STAT4: variants seen among roughly 807,000 people sequenced by gnomAD.
STAT4 encodes signal transducer and activator of transcription 4.
STAT4 carries 42 observed loss-of-function variants against 110.5 expected under a neutral mutation model. That is an observed-to-expected ratio of 0.38 (90% CI 0.30 to 0.49). The LOEUF is 0.49. Ranked by LOEUF, STAT4 falls within the 20% of genes least tolerant of loss-of-function variation. The probability of loss-of-function intolerance (pLI) is 0.95; values close to 1 mark genes in which losing one functional copy is unlikely to be tolerated. For missense variants in STAT4, 632 were observed against 887.9 expected, an observed-to-expected ratio of 0.71 and a Z score of 3.66; for synonymous variants, 284 against 302.2, an observed-to-expected ratio of 0.94 and a Z score of 0.63.
Position 191,033,126 on chromosome 2 carries a change from C to T in STAT4, c.1876G>A (p.Glu626Lys). Reference protein sequence around the residue: ...ESGEVRFHSVEPYNKGRLSAL... With the variant: ...ESGEVRFHSVKPYNKGRLSAL... ...GACAACCGGCCTTTATTGTAGGGTT[C>T]TACAGAGTGGAATCTCACTTCCCCT... The change falls in exon 21 of 24, where the codon GAA becomes AAA. Residue 626 changes from glutamate (E) to lysine (K), a missense_variant. This residue lies in a region of STAT4 where 74 missense variants were observed against 154.3 expected (regional missense o/e 0.48). Transcript: ENST00000392320. This position sits in a 1 kb window ranked among gnomAD's most constrained non-coding sequence, Gnocchi z 6.9. 1 of 1,613,740 alleles carries T rather than the reference C, an allele frequency of 6.2e-7. No individual in the cohort carries two copies. Among genetic ancestry groups the T allele is most frequent in the Non-Finnish European group, 8.5e-7 (1 of 1,179,888 alleles).
Position 191,046,459 on chromosome 2 carries a change from G to A in STAT4, c.1252-5311C>T, listed in dbSNP as rs1696356666. On this transcript the variant is annotated intron_variant, in intron 14 of 23. Transcript: ENST00000392320. The surrounding 1 kb of genome is among the most constrained non-coding windows in gnomAD (Gnocchi z 4.6). ...GTCTCTCCTGTGCCTAGATATGTTT[G>A]CACTGAAGGTGTCATCTGTGCTTGG... Among the ~76,000 whole-genome samples the A allele has an allele frequency of 6.6e-6, 1 of 152,106 alleles. No homozygotes were observed. Among genetic ancestry groups the A allele is most frequent in the East Asian group, 1.9e-4 (1 of 5,192 alleles).
At position 191,031,552 on chromosome 2, in the gene STAT4, A is replaced by G. The variant is rs1343317843; in HGVS notation, c.2045-36T>C. 4 of 1,569,502 alleles carry G rather than the reference A, an allele frequency of 2.5e-6. No individual in the cohort carries two copies. The highest frequency in any genetic ancestry group is 3.5e-6 in the Non-Finnish European group (4 of 1,144,704). ...AAAAGGCACAATGTTGGGGAAAAAA[A>G]TGTCAATATTATCAATAAAACTGGG... On this transcript the variant is annotated intron_variant, in intron 21 of 23. Transcript: ENST00000392320. The surrounding 1 kb of genome is among the most constrained non-coding windows in gnomAD (Gnocchi z 4.8).
chr2:191,098,346 A>C (rs1698063790), intron 3 of STAT4, among the ~76,000 whole-genome samples: 1 of 152,234 alleles, frequency 6.6e-6, no homozygotes. Context: ...CACAATAGCA[A>C]AAACTTGGAA....
intron 3 of STAT4, among the ~76,000 whole-genome samples, chr2:191,141,862 C>T (rs577842549): frequency 1.4e-4 from 21 of 152,078 alleles, no homozygotes; most frequent in African/African-American, 5.1e-4. Flanking sequence ...AACTCCTGAC[C>T]TCAGTACTGG....
At chr2:191,057,002 C>T (rs1574715258) in intron 13 of STAT4, among the ~76,000 whole-genome samples, 2 of 152,222 alleles carry the variant, frequency 1.3e-5, no homozygotes, top group Admixed American at 6.5e-5. Context: ...AGGCTGGTCT[C>T]GAATTCCTGA....
rs62179929 is a variant in STAT4, at chr2:191,097,017, C to A, written c.274-20692G>T. Among the ~76,000 whole-genome samples, 474 of 152,084 alleles carry A rather than the reference C, an allele frequency of 3.1e-3. 1 individual carries two copies. Among genetic ancestry groups the A allele is most frequent in the Middle Eastern group, 0.01 (3 of 294 alleles). ...CCAAATCATGAGTGAACTCCCATTC[C>A]CAATTGCTACAAAGAGAATAAAATA... is the stretch of plus-strand genomic sequence containing the variant. On this transcript the variant is annotated intron_variant, in intron 3 of 23. Transcript: ENST00000392320.
chr2:191,046,147 A>G lies in STAT4; in HGVS notation c.1252-4999T>C, dbSNP rs978687749. Among the ~76,000 whole-genome samples, 29 of 152,238 alleles carry G rather than the reference A, an allele frequency of 1.9e-4. No homozygotes were observed. In the South Asian group the frequency reaches 2.9e-3, roughly 15 times the overall value. ...GCCTTTCACATTATCTCTGAGTTCAATGGTGCAGAACATTTGAGAGGCCTC... is the reference window on the plus strand; with the variant it reads ...GCCTTTCACATTATCTCTGAGTTCAGTGGTGCAGAACATTTGAGAGGCCTC... On this transcript the variant is annotated intron_variant, in intron 14 of 23. Transcript: ENST00000392320. This position sits in a 1 kb window ranked among gnomAD's most constrained non-coding sequence, Gnocchi z 4.6.
At chr2:191,070,584 T>C (rs1342824100) in intron 5 of STAT4, among the ~76,000 whole-genome samples, 1 of 152,226 alleles carries the variant, frequency 6.6e-6, no homozygotes, top group African/African-American at 2.4e-5. Flanking sequence ...TGTACTTCCT[T>C]TTCTTCTTAG....
In STAT4 at chr2:191,144,076, T is replaced by A. The variant is rs1699401285; in HGVS notation, c.273+2537A>T. Among the ~76,000 whole-genome samples, 1 of 152,146 alleles carries A rather than the reference T, an allele frequency of 6.6e-6. No homozygotes were observed. The highest frequency in any genetic ancestry group is 2.1e-4 in the South Asian group (1 of 4,830). On this transcript the variant is annotated intron_variant, in intron 3 of 23. Transcript: ENST00000392320. This position sits in a 1 kb window ranked among gnomAD's most constrained non-coding sequence, Gnocchi z 4.7. Reference sequence around the variant, plus strand: ...TTTTTTTCAACTCAAATATCTTAATTCACCAAATTGTTTTTTGAATTCCTA... The same window carrying A: ...TTTTTTTCAACTCAAATATCTTAATACACCAAATTGTTTTTTGAATTCCTA...
At chr2:191,076,092 G>T in intron 4 of STAT4, 135 bp downstream of exon 4, 1 of 649,526 alleles carries the variant, frequency 1.5e-6, no homozygotes, top group East Asian at 2.8e-5. Flanking sequence ...GGCTTCAAAT[G>T]ATCCTCCCAC....
At position 191,051,438 on chromosome 2, in the gene STAT4, T is replaced by A. The variant is rs573602785; in HGVS notation, c.1251+3052A>T. ...GTAGGTTAACATTAGCACCATTTTG[T>A]AGATAAGGAAATTGGGAGTTAGAGA... is the stretch of plus-strand genomic sequence containing the variant. On this transcript the variant is annotated intron_variant, in intron 14 of 23. Coordinates refer to ENST00000392320, the MANE Select transcript of STAT4 (RefSeq NM_003151.4). This position sits in a 1 kb window ranked among gnomAD's most constrained non-coding sequence, Gnocchi z 5.6. Among the ~76,000 whole-genome samples, 51 of 152,274 alleles carry A rather than the reference T, an allele frequency of 3.3e-4. 1 individual carries two copies. The highest frequency in any genetic ancestry group is 3.4e-3 in the Middle Eastern group (1 of 294).
chr2:191,042,182 C>T lies in STAT4; in HGVS notation c.1252-1034G>A, dbSNP rs188308632. 2.4e-4 allele frequency among the ~76,000 whole-genome samples: 37 copies of T among 152,250 alleles called. No homozygotes were observed. Among genetic ancestry groups the T allele is most frequent in the Admixed American group, 1.4e-3 (21 of 15,294 alleles). On this transcript the variant is annotated intron_variant, in intron 14 of 23. Coordinates refer to ENST00000392320, the MANE Select transcript of STAT4 (RefSeq NM_003151.4). This position sits in a 1 kb window ranked among gnomAD's most constrained non-coding sequence, Gnocchi z 4.2. ...CACCCTAAGTCTACAGTTCTCAACACGCACATAGAATTTTCAGGCTGTTTT... is the reference window on the plus strand; with the variant it reads ...CACCCTAAGTCTACAGTTCTCAACATGCACATAGAATTTTCAGGCTGTTTT...
In STAT4 at chr2:191,043,076, G is replaced by A. The variant is rs191414032; in HGVS notation, c.1252-1928C>T. 1.7e-3 allele frequency among the ~76,000 whole-genome samples: 252 copies of A among 152,290 alleles called. 1 individual carries two copies. Among genetic ancestry groups the A allele is most frequent in the African/African-American group, 5.8e-3 (242 of 41,546 alleles). ...TTACAGGCGTGAGCCACTGCGCCCGGCCGTATTCTCTATTCCTGTATATAT... is the reference window on the plus strand; with the variant it reads ...TTACAGGCGTGAGCCACTGCGCCCGACCGTATTCTCTATTCCTGTATATAT... On this transcript the variant is annotated intron_variant, in intron 14 of 23. Transcript: ENST00000392320. The surrounding 1 kb of genome is among the most constrained non-coding windows in gnomAD (Gnocchi z 4.8).
chr2:191,134,177 T>G (rs1699118320), intron 3 of STAT4, among the ~76,000 whole-genome samples: 1 of 152,176 alleles, frequency 6.6e-6, no homozygotes, highest in South Asian at 2.1e-4. Context: ...CCACATGTGC[T>G]ACCTATAGGC....
intron 3 of STAT4, among the ~76,000 whole-genome samples, chr2:191,101,542 T>G (rs1229246849): frequency 2.0e-5 from 3 of 152,170 alleles, no homozygotes; most frequent in African/African-American, 7.2e-5. Context: ...TTAGATTACT[T>G]ATAATTTTTT....
chr2:191,069,676 A>G lies in STAT4; in HGVS notation c.544+17T>C, dbSNP rs766631350. On this transcript the variant is annotated intron_variant, in intron 6 of 23. Transcript: ENST00000392320. ...TTTTTGTCTCTATGCATAATTATAG[A>G]AAAAACAAAAACTTACCCATTGTCT... 6.2e-7 allele frequency: 1 copy of G among 1,600,332 alleles called. No individual in the cohort carries two copies. The highest frequency in any genetic ancestry group is 2.2e-5 in the East Asian group (1 of 44,556).
intron 5 of STAT4, among the ~76,000 whole-genome samples, chr2:191,072,101 A>T (rs1253719298): frequency 6.6e-6 from 1 of 152,162 alleles, no homozygotes; most frequent in Non-Finnish European, 1.5e-5. Flanking sequence ...ATCCATGTAC[A>T]GGCCTGGTAA....
intron 16 of STAT4, 86 bp from the exon 17 acceptor site, chr2:191,036,385 C>T: frequency 7.2e-7 from 1 of 1,381,554 alleles, no homozygotes; most frequent in Non-Finnish European, 1.0e-6. Context: ...AGGTCTCCCC[C>T]TCTCCCCACA....
chr2:191,137,064 G>A (rs1461142819), intron 3 of STAT4, among the ~76,000 whole-genome samples: 1 of 152,120 alleles, frequency 6.6e-6, no homozygotes, highest in Non-Finnish European at 1.5e-5. Context: ...AAGAGGGCCA[G>A]GTGCGGTGTG....
Sources: allele counts gnomAD v4.1 joint callset (sites outside exome capture counted in the v4.1 genomes callset), GRCh38; gene constraint gnomAD v4.1.1; regional missense constraint gnomAD v4.1.1; non-coding constraint Gnocchi (gnomAD v3.1); transcripts MANE v1.5; gene names NCBI Gene and HGNC (gene_info 2026-07-23, HGNC 2026-07-21).